Variants in PGS1 observed in about 807,000 individuals in gnomAD.
The protein encoded by PGS1 is CDP-diacylglycerol--glycerol-3-phosphate 3-phosphatidyltransferase, mitochondrial.
In PGS1, 44 loss-of-function variants were observed where a neutral mutation model predicts 58.3. The observed-to-expected ratio is 0.75, with a 90% CI of 0.59 to 0.97. PGS1 has a LOEUF of 0.97. Among genes scored for constraint, PGS1 ranks in the 50% least tolerant of loss-of-function variants. The pLI, the probability that PGS1 is intolerant of heterozygous loss-of-function variation, is 0.00. For missense variants in PGS1, 684 were observed against 731.1 expected (o/e 0.94, Z 0.74); for synonymous variants, 330 against 311.0 (o/e 1.06, Z -0.64).
At position 78,424,060 on chromosome 17, in the gene PGS1, G is replaced by A. The variant is rs761156949; in HGVS notation, c.*11-1G>A. 1.9e-6 allele frequency: 3 copies of A among 1,613,950 alleles called. No homozygotes were observed. The highest frequency in any genetic ancestry group is 2.7e-5 in the African/African-American group (2 of 74,948). On this transcript the variant is annotated splice_acceptor_variant, in intron 9 of 9. Transcript: ENST00000262764. LOFTEE classifies it low-confidence loss of function (3UTR_SPLICE). ...GTTCTTGGTCTCCATGCGGTCCACAGGAATGGCCTTGATGAAGATGACAGG... is the reference window on the plus strand; with the variant it reads ...GTTCTTGGTCTCCATGCGGTCCACAAGAATGGCCTTGATGAAGATGACAGG...
At chr17:78,423,403 G>A (rs1375025554) in intron 9 of PGS1, among the ~76,000 whole-genome samples, 1 of 152,182 alleles carries the variant, frequency 6.6e-6, no homozygotes, top group Non-Finnish European at 1.5e-5. Flanking sequence ...GGAGCAGGGA[G>A]TAATGGCGGA....
At position 78,414,861 on chromosome 17, in the gene PGS1, G is replaced by A. The variant is rs370724554; in HGVS notation, c.1403-18G>A. 113 of 1,613,384 alleles carry A rather than the reference G, an allele frequency of 7.0e-5. No homozygotes were observed. In the African/African-American group the frequency reaches 1.2e-3, roughly 18 times the overall value. On this transcript the variant is annotated intron_variant, in intron 7 of 9. Transcript: ENST00000262764. ...TGCTGTGCTCATTTCCTGTCTGCAC[G>A]TTTCCTTTTCCCCGCAGGCCTCTGG...
chr17:78,403,900 G>A lies in PGS1; in HGVS notation c.1213G>A (p.Glu405Lys). The change falls in exon 7 of 10, where the codon GAG (glutamate) becomes AAG (lysine). Residue 405 changes from glutamate (E) to lysine (K), a missense_variant. Transcript: ENST00000262764. ...YMDLVLGTRA[E>K]YQILLASPEV... ...GGACCTGGTCTTGGGCACTCGGGCT[G>A]AGTACCAGATCCTGCTGGCCTCACC... is the stretch of plus-strand genomic sequence containing the variant. 1 of 1,614,178 alleles carries A rather than the reference G, an allele frequency of 6.2e-7. No homozygotes were observed. Among genetic ancestry groups the A allele is most frequent in the Non-Finnish European group, 8.5e-7 (1 of 1,179,962 alleles).
At chr17:78,390,928 G>A (rs1358018639) in intron 1 of PGS1, among the ~76,000 whole-genome samples, 11 of 152,042 alleles carry the variant, frequency 7.2e-5, no homozygotes, top group Admixed American at 6.6e-4. Context: ...AATGAGTATG[G>A]CTCATCATCA....
At position 78,392,666 on chromosome 17, in the gene PGS1, G is replaced by T. The variant is rs765032874; in HGVS notation, c.333+1G>T. ...GGCAGAGTTTTTCGAGCTCATGAAG[G>T]TAAGTGGTATCTAAAGGAAAGAAGT... On this transcript the variant is annotated splice_donor_variant, in intron 2 of 9. Transcript: ENST00000262764. LOFTEE classifies it high-confidence loss of function. 1 of 1,613,340 alleles carries T rather than the reference G, an allele frequency of 6.2e-7. No individual in the cohort carries two copies. Among genetic ancestry groups the T allele is most frequent in the Non-Finnish European group, 8.5e-7 (1 of 1,179,502 alleles).
chr17:78,420,232 T>G, intron 9 of PGS1: 1 of 989,998 alleles, frequency 1.0e-6, no homozygotes, highest in Non-Finnish European at 1.2e-6. Context: ...CCTTCTAGAC[T>G]CTGGAAGTTG....
chr17:78,398,466 C>T (rs1010364209), intron 4 of PGS1, 115 bp downstream of exon 4: 7 of 747,608 alleles, frequency 9.4e-6, no homozygotes, highest in Non-Finnish European at 1.6e-5. Flanking sequence ...TGAAGATCAT[C>T]CAAGCTGGCC....
rs557333637 is a variant in PGS1, at chr17:78,413,700, G to T, written c.1403-1179G>T. 2.0e-5 allele frequency among the ~76,000 whole-genome samples: 3 copies of T among 152,342 alleles called. No individual in the cohort carries two copies. The South Asian group carries it at 6.2e-4, about 32-fold the overall frequency. ...GAGCCTGGGTGCCCTGTGGGAGGAA[G>T]GGCGTCTCAGGCAGCACGTGTCCTT... On this transcript the variant is annotated intron_variant, in intron 7 of 9. Coordinates refer to ENST00000262764, the MANE Select transcript of PGS1 (RefSeq NM_024419.5).
intron 2 of PGS1, among the ~76,000 whole-genome samples, chr17:78,395,888 G>A (rs1281709741): frequency 3.9e-5 from 6 of 152,302 alleles, no homozygotes; most frequent in South Asian, 2.1e-4. Context: ...ACAGGCACGC[G>A]CCACCATGGC....
chr17:78,420,664 A>G (rs887966283), intron 9 of PGS1: 2 of 152,236 alleles, frequency 1.3e-5, no homozygotes, highest in Non-Finnish European at 2.9e-5. Context: ...TGCTCTGCTA[A>G]GTCTCATTGT....
chr17:78,419,893 C>T (rs2085543726), intron 9 of PGS1: 1 of 1,281,854 alleles, frequency 7.8e-7, no homozygotes, highest in Non-Finnish European at 1.0e-6. Flanking sequence ...GTACCCACTC[C>T]ACTAAGTCCC....
chr17:78,420,341 T>G, intron 9 of PGS1: 1 of 564,238 alleles, frequency 1.8e-6, no homozygotes, highest in Non-Finnish European at 2.2e-6. Flanking sequence ...TGGACTGTCT[T>G]GACGCCTAGA....
At chr17:78,402,043 G>GCC (rs2083712148) in intron 6 of PGS1, among the ~76,000 whole-genome samples, 1 of 151,708 alleles carries the variant, frequency 6.6e-6, no homozygotes, top group Non-Finnish European at 1.5e-5. Context: ...GAGGCTCAGG[G>GCC]TGTGCGCAGG....
chr17:78,407,795 T>TG (rs1416835925), intron 7 of PGS1, among the ~76,000 whole-genome samples: 1 of 152,204 alleles, frequency 6.6e-6, no homozygotes. Context: ...GTGTTGAACT[T>TG]GCTGGTGGCC....
At chr17:78,392,409 A>AG (rs2146135877) in intron 1 of PGS1, 67 bp from the exon 2 acceptor site, 7 of 1,170,284 alleles carry the variant, frequency 6.0e-6, no homozygotes, top group South Asian at 3.0e-5. Flanking sequence ...CCAGTAACTG[A>AG]GGGGGGCTTC....
chr17:78,383,469 G>A lies in PGS1; in HGVS notation c.143+4661G>A, dbSNP rs12936112. Among the ~76,000 whole-genome samples, 1,443 of 151,684 alleles carry A rather than the reference G, an allele frequency of 9.5e-3. 13 individuals carry two copies. Among genetic ancestry groups the A allele is most frequent in the Non-Finnish European group, 0.013 (884 of 67,840 alleles). ...TTGAACTCCTGACCTCAGGTGGTCC[G>A]CCCACCTCAGCCTCCCAAAGTGCTG... On this transcript the variant is annotated intron_variant, in intron 1 of 9. Coordinates refer to ENST00000262764, the MANE Select transcript of PGS1 (RefSeq NM_024419.5).
At chr17:78,402,326 T>C (rs2083740409) in intron 6 of PGS1, among the ~76,000 whole-genome samples, 1 of 152,214 alleles carries the variant, frequency 6.6e-6, no homozygotes, top group African/African-American at 2.4e-5. Context: ...ATCAATCGTT[T>C]ATCAGACAAT....
intron 6 of PGS1, among the ~76,000 whole-genome samples, chr17:78,402,415 TATATATATATATAC>T (rs1480361205): frequency 0.038 from 607 of 15,792 alleles, 6 homozygotes; most frequent in African/African-American, 0.084. Context: ...TATATATATA[TATATATATATATAC>T]ACACACACAC....
At chr17:78,417,862 G>A (rs1053277413) in intron 8 of PGS1, among the ~76,000 whole-genome samples, 1 of 151,588 alleles carries the variant, frequency 6.6e-6, no homozygotes, top group African/African-American at 2.4e-5. Context: ...AGCACTTGGA[G>A]GGCAGACTCT....
Sources: allele counts gnomAD v4.1 joint callset (sites outside exome capture counted in the v4.1 genomes callset), GRCh38; gene constraint gnomAD v4.1.1; transcripts MANE v1.5; gene names NCBI Gene and HGNC (gene_info 2026-07-23, HGNC 2026-07-21).